Variants in TMEM132D observed in about 807,000 individuals in gnomAD.
TMEM132D encodes the protein transmembrane protein 132D.
TMEM132D carries 21 observed loss-of-function variants against 62.3 expected under a neutral mutation model. That is an observed-to-expected ratio of 0.34 (90% CI 0.24 to 0.49). The LOEUF is 0.49. Ranked by LOEUF, TMEM132D falls within the 20% of genes least tolerant of loss-of-function variation. The pLI is 0.99. For missense variants in TMEM132D, 1,346 were observed against 1,402.8 expected (o/e 0.96, Z 0.65); for synonymous variants, 621 against 575.6 (o/e 1.08, Z -1.13).
At chr12:129,418,363 T>C (rs1386390409) in intron 3 of TMEM132D, among the ~76,000 whole-genome samples, 1 of 152,190 alleles carries the variant, frequency 6.6e-6, no homozygotes, top group Admixed American at 6.5e-5. Flanking sequence ...ATATACACCA[T>C]GGAATACTAT....
intron 1 of TMEM132D, among the ~76,000 whole-genome samples, chr12:129,831,534 A>G (rs1473330004): frequency 6.6e-6 from 1 of 152,226 alleles, no homozygotes; most frequent in East Asian, 1.9e-4. Context: ...GCCGTGAAAA[A>G]TAAAACAGGG....
At chr12:129,712,003 A>C (rs1421088494) in intron 1 of TMEM132D, among the ~76,000 whole-genome samples, 6 of 151,968 alleles carry the variant, frequency 3.9e-5, no homozygotes, top group Non-Finnish European at 7.4e-5. Flanking sequence ...CATCTGGGAA[A>C]GTCTCCAGTA....
At chr12:129,756,669 G>A (rs938892577) in intron 1 of TMEM132D, among the ~76,000 whole-genome samples, 1 of 152,154 alleles carries the variant, frequency 6.6e-6, no homozygotes, top group African/African-American at 2.4e-5. Context: ...AATTAGTTAA[G>A]GTGGTAAATT....
intron 1 of TMEM132D, among the ~76,000 whole-genome samples, chr12:129,746,720 TA>T (rs1869791291): frequency 6.6e-6 from 1 of 152,142 alleles, no homozygotes; most frequent in Non-Finnish European, 1.5e-5. Context: ...AAACCTTTTA[TA>T]CCCTACAGAA....
chr12:129,491,835 G>T (rs866937766), intron 3 of TMEM132D, among the ~76,000 whole-genome samples: 2 of 152,148 alleles, frequency 1.3e-5, no homozygotes, highest in Non-Finnish European at 1.5e-5. Flanking sequence ...CCAGCTACTT[G>T]GGAGACTGCG....
intron 2 of TMEM132D, among the ~76,000 whole-genome samples, chr12:129,672,688 A>G (rs906384902): frequency 3.9e-5 from 6 of 152,244 alleles, no homozygotes; most frequent in African/African-American, 1.2e-4. Context: ...AGGCTCATAC[A>G]ATCTACATAT....
chr12:129,315,825 A>G lies in TMEM132D; in HGVS notation c.1299+21809T>C, dbSNP rs185804969. On this transcript the variant is annotated intron_variant, in intron 4 of 8. Transcript: ENST00000422113. ...TACCATTTCAGTCTTGCTGCTTGTT[A>G]TTGGTCTGTTCAGGGTACCTAATTC... Among the ~76,000 whole-genome samples, 3 of 152,080 alleles carry G rather than the reference A, an allele frequency of 2.0e-5. No individual in the cohort carries two copies. The East Asian group carries it at 5.8e-4, about 30-fold the overall frequency.
intron 1 of TMEM132D, among the ~76,000 whole-genome samples, chr12:129,883,241 G>T (rs754538167): frequency 3.3e-5 from 5 of 152,048 alleles, no homozygotes; most frequent in African/African-American, 1.2e-4. Flanking sequence ...TTGCAATAAA[G>T]AATTATAAAT....
intron 1 of TMEM132D, among the ~76,000 whole-genome samples, chr12:129,870,238 C>T (rs908299738): frequency 1.3e-5 from 2 of 152,184 alleles, no homozygotes; most frequent in Non-Finnish European, 2.9e-5. Flanking sequence ...CCACAGCAGC[C>T]TCTCAAGGTG....
intron 3 of TMEM132D, among the ~76,000 whole-genome samples, chr12:129,439,352 T>G (rs1872876602): frequency 6.6e-6 from 1 of 152,186 alleles, no homozygotes; most frequent in African/African-American, 2.4e-5. Context: ...CCCCTTTCTC[T>G]CCTCCATTCA....
intron 4 of TMEM132D, among the ~76,000 whole-genome samples, chr12:129,227,326 T>TATATATATATATATATATATATA (rs57139130): frequency 6.9e-6 from 1 of 143,978 alleles, no homozygotes; most frequent in Non-Finnish European, 1.5e-5. Flanking sequence ...TATATATATA[T>TATATATATATATATATATATATA]GGCGCAAGTC....
rs146792758 is a variant in TMEM132D, at chr12:129,275,341, G to A, written c.1299+62293C>T. On this transcript the variant is annotated intron_variant, in intron 4 of 8. Transcript: ENST00000422113. ...ATAACTCAAGTCTATTTAAAGAAGA[G>A]CACTAAGTTTATAACAGAAATAGGA... Among the ~76,000 whole-genome samples, 223 of 152,118 alleles carry A rather than the reference G, an allele frequency of 1.5e-3. 3 individuals carry two copies. The highest frequency in any genetic ancestry group is 5.2e-3 in the African/African-American group (217 of 41,518).
At position 129,074,402 on chromosome 12, in the gene TMEM132D, C is replaced by CCAA; in HGVS notation, c.2770_2772dup (p.Leu924dup). On this transcript the variant is annotated inframe_insertion, in exon 9 of 9. Coordinates refer to ENST00000422113, the MANE Select transcript of TMEM132D (RefSeq NM_133448.3). ...ACCAAAATGGCCAAACAGAAGACTC[C>CCAA]CAACAAAGCATACATCCCAATTTCT... The CCAA allele has an allele frequency of 6.2e-7, 1 of 1,614,044 alleles. No individual in the cohort carries two copies.
chr12:129,619,445 T>C (rs528922743), intron 2 of TMEM132D, among the ~76,000 whole-genome samples: 1 of 152,322 alleles, frequency 6.6e-6, no homozygotes, highest in South Asian at 2.1e-4. Flanking sequence ...GAACGACTTA[T>C]GACCTAATTA....
At chr12:129,309,742 T>C (rs1202175067) in intron 4 of TMEM132D, among the ~76,000 whole-genome samples, 5 of 152,044 alleles carry the variant, frequency 3.3e-5, no homozygotes, top group African/African-American at 1.2e-4. Flanking sequence ...AAGCTCTCAT[T>C]GGGAAGAGAA....
chr12:129,230,864 G>C (rs1312232342), intron 4 of TMEM132D, among the ~76,000 whole-genome samples: 1 of 152,182 alleles, frequency 6.6e-6, no homozygotes, highest in Non-Finnish European at 1.5e-5. Context: ...TGAAACCTCA[G>C]GAGTGATGGC....
At chr12:129,318,451 G>A (rs1042359369) in intron 4 of TMEM132D, among the ~76,000 whole-genome samples, 8 of 152,102 alleles carry the variant, frequency 5.3e-5, no homozygotes, top group East Asian at 3.9e-4. Context: ...ACCTGGCTCC[G>A]GGCTGGTACT....
intron 5 of TMEM132D, among the ~76,000 whole-genome samples, chr12:129,173,742 C>T (rs1877807372): frequency 6.6e-6 from 1 of 152,108 alleles, no homozygotes; most frequent in Non-Finnish European, 1.5e-5. Context: ...AGAGGTAATG[C>T]ATGTGATAAC....
intron 3 of TMEM132D, among the ~76,000 whole-genome samples, chr12:129,444,835 T>C (rs1298612689): frequency 6.6e-6 from 1 of 152,160 alleles, no homozygotes; most frequent in African/African-American, 2.4e-5. Flanking sequence ...AATTAACAGA[T>C]GCTGGAGAGG....
Sources: gnomAD v4.1 joint callset for allele counts (sites outside exome capture counted in the v4.1 genomes callset) on GRCh38, gnomAD v4.1.1 for gene constraint, MANE v1.5 for transcripts, NCBI Gene and HGNC (gene_info 2026-07-23, HGNC 2026-07-21) for gene names.